ETV2: variants seen among roughly 807,000 people sequenced by gnomAD.
The protein encoded by ETV2 is ETS translocation variant 2.
Under a neutral mutation model 35.7 loss-of-function variants are expected in ETV2, and 34 were observed. The ratio of observed to expected loss-of-function variants is 0.95; its 90% CI spans 0.72 to 1.27. ETV2 has a LOEUF of 1.27. Among genes scored for constraint, ETV2 ranks in the 50% most tolerant of loss-of-function variants. ETV2 has a pLI of 0.00. For missense variants in ETV2, 512 were observed against 470.5 expected (o/e 1.09, Z -0.82); for synonymous variants, 207 against 203.9 (o/e 1.02, Z -0.13).
chr19:35,644,615 C>A lies in ETV2; in HGVS notation c.829-37C>A. ...CCCTCCCCACTATCGCCAAGCCCCG[C>A]CCCTTCCCACTCCGACCGAGCGGGC... On this transcript the variant is annotated intron_variant, in intron 6 of 6. Transcript: ENST00000402764. This position sits in a 1 kb window ranked among gnomAD's most constrained non-coding sequence, Gnocchi z 4.7. 1 of 1,579,210 alleles carries A rather than the reference C, an allele frequency of 6.3e-7. No homozygotes were observed. The highest frequency in any genetic ancestry group is 8.6e-7 in the Non-Finnish European group (1 of 1,161,420).
Position 35,644,044 on chromosome 19 carries a change from T to C in ETV2, c.716-191T>C, listed in dbSNP as rs993942493. 1.3e-5 allele frequency among the ~76,000 whole-genome samples: 2 copies of C among 151,956 alleles called. No homozygotes were observed. The highest frequency in any genetic ancestry group is 2.9e-5 in the Non-Finnish European group (2 of 67,972). On this transcript the variant is annotated intron_variant, in intron 5 of 6. Coordinates refer to ENST00000402764, the MANE Select transcript of ETV2 (RefSeq NM_014209.4). The surrounding 1 kb of genome is among the most constrained non-coding windows in gnomAD (Gnocchi z 4.7). ...GGTCTCCGAGATGGGGAGGCCAAAC[T>C]CCTAAATCTCTGAGACTGGGGCCCT...
Position 35,642,869 on chromosome 19 carries a change from C to A in ETV2, c.155-96C>A. 2.0e-6 allele frequency: 2 copies of A among 990,348 alleles called. No individual in the cohort carries two copies. Among genetic ancestry groups the A allele is most frequent in the Non-Finnish European group, 1.6e-6 (1 of 640,084 alleles). 61.3% of individuals were successfully genotyped at this position (990,348 alleles called of 1,614,324 possible). On this transcript the variant is annotated intron_variant, in intron 3 of 6. Coordinates refer to ENST00000402764, the MANE Select transcript of ETV2 (RefSeq NM_014209.4). This position sits in a 1 kb window ranked among gnomAD's most constrained non-coding sequence, Gnocchi z 4.4. ...GGGGCGCGGGGTGCTGAAATACGGG[C>A]TGGGGGGCCATAACTCCCAGTCCCT...
Position 35,644,785 on chromosome 19 carries a change from G to T in ETV2, c.962G>T (p.Gly321Val). ...SGGRKYTYRF[G>V]GRVPSLAYPD... ...GGGCGAAAGTACACGTACCGCTTCG[G>T]GGGCCGCGTGCCCAGCCTAGCCTAT... Residue 321 changes from glycine to valine, a missense_variant, in exon 7 of 7, where the codon GGG becomes GTG. Coordinates refer to ENST00000402764, the MANE Select transcript of ETV2 (RefSeq NM_014209.4). The surrounding 1 kb of genome is among the most constrained non-coding windows in gnomAD (Gnocchi z 4.7). The T allele has an allele frequency of 1.2e-6, 2 of 1,612,086 alleles. No individual in the cohort carries two copies. The highest frequency in any genetic ancestry group is 2.2e-5 in the South Asian group (2 of 90,806).
chr19:35,643,735 C>T lies in ETV2; in HGVS notation c.697C>T (p.Pro233Ser), dbSNP rs1392132030. The T allele has an allele frequency of 3.7e-6, 6 of 1,613,626 alleles. No individual in the cohort carries two copies. The highest frequency in any genetic ancestry group is 1.7e-6 in the Non-Finnish European group (2 of 1,179,816). Residue 233 changes from proline to serine, a missense_variant, in exon 5 of 7, where the codon CCC becomes TCC. Coordinates refer to ENST00000402764, the MANE Select transcript of ETV2 (RefSeq NM_014209.4). The surrounding 1 kb of genome is among the most constrained non-coding windows in gnomAD (Gnocchi z 5.0). ...GGACCGTGCCAGTTTGGCTCGATGC[C>T]CCAAAACTAACCACCGAGGTGAGAG... The part of the protein sequence containing the change: ...QSDRASLARC[P>S]KTNHRGPIQL...
chr19:35,644,453 C>A lies in ETV2; in HGVS notation c.828+106C>A, dbSNP rs978719425. ...CGCGTAGCCCTCGGCCCCGCCGCTCCCCGGCCCACTCGAGGCCCCGCCCAA... is the reference window on the plus strand; with the variant it reads ...CGCGTAGCCCTCGGCCCCGCCGCTCACCGGCCCACTCGAGGCCCCGCCCAA... On this transcript the variant is annotated intron_variant, in intron 6 of 6. Transcript: ENST00000402764. The surrounding 1 kb of genome is among the most constrained non-coding windows in gnomAD (Gnocchi z 4.7). 85 of 954,390 alleles carry A rather than the reference C, an allele frequency of 8.9e-5. No individual in the cohort carries two copies. Among genetic ancestry groups the A allele is most frequent in the Non-Finnish European group, 9.4e-5 (59 of 630,744 alleles). 59.1% of individuals were successfully genotyped at this position (954,390 alleles called of 1,614,324 possible). A position where few individuals can be genotyped will look rare whatever the true frequency, so the allele number is the denominator to read the frequency against.
At position 35,642,238 on chromosome 19, in the gene ETV2, G is replaced by A. The variant is rs188932640; in HGVS notation, c.-28+82G>A. The stretch of plus-strand genomic sequence containing the variant: ...GGACTAGACTCCCAAGAAGCCGGGG[G>A]CCTGGACTCCTGGGTCTAACAGAGG... On this transcript the variant is annotated intron_variant, in intron 1 of 6. Transcript: ENST00000402764. This position sits in a 1 kb window ranked among gnomAD's most constrained non-coding sequence, Gnocchi z 4.4. 2.2e-4 allele frequency: 102 copies of A among 472,732 alleles called. 1 individual carries two copies. The highest frequency in any genetic ancestry group is 1.9e-3 in the African/African-American group (95 of 49,490). 29.3% of individuals were successfully genotyped at this position (472,732 alleles called of 1,614,324 possible).
rs149099214 is a variant in ETV2, at chr19:35,644,790, C to T, written c.967C>T (p.Arg323Cys). ...GRKYTYRFGGRVPSLAYPDCA... is the reference protein window; with the variant it reads ...GRKYTYRFGGCVPSLAYPDCA... ...AAAGTACACGTACCGCTTCGGGGGC[C>T]GCGTGCCCAGCCTAGCCTATCCGGA... The change falls in exon 7 of 7, where the codon CGC (arginine) becomes TGC (cysteine). Residue 323 changes from arginine (R) to cysteine (C), a missense_variant. Physicochemically the swap from Arg to Cys is radical, Grantham distance 180. Coordinates refer to ENST00000402764, the MANE Select transcript of ETV2 (RefSeq NM_014209.4). This position sits in a 1 kb window ranked among gnomAD's most constrained non-coding sequence, Gnocchi z 4.7. The T allele has an allele frequency of 1.7e-4, 275 of 1,611,728 alleles. No individual in the cohort carries two copies. In the African/African-American group the frequency reaches 2.9e-3, roughly 17 times the overall value.
Position 35,642,555 on chromosome 19 carries a change from G to A in ETV2, c.70+25G>A, listed in dbSNP as rs1239963355. On this transcript the variant is annotated intron_variant, in intron 2 of 6. Transcript: ENST00000402764. The surrounding 1 kb of genome is among the most constrained non-coding windows in gnomAD (Gnocchi z 4.4). The stretch of plus-strand genomic sequence containing the variant: ...GGTAGGCTGCCGAGGCTGCCACAAC[G>A]TGTGTGGGGAGGGTGTCCAGGTGGG... 3 of 1,613,798 alleles carry A rather than the reference G, an allele frequency of 1.9e-6. No individual in the cohort carries two copies. The highest frequency in any genetic ancestry group is 2.5e-6 in the Non-Finnish European group (3 of 1,179,798).
rs1967638573 is a variant in ETV2 at position 35,642,808 on chromosome 19, G to A, written c.154+110G>A. ...TAGGTTCCTGGGACTGGGTGGGGAG[G>A]GGCCGCGTGCTTGACCCCTGAGGGT... On this transcript the variant is annotated intron_variant, in intron 3 of 6. Transcript: ENST00000402764. This position sits in a 1 kb window ranked among gnomAD's most constrained non-coding sequence, Gnocchi z 4.4. 1 of 1,032,326 alleles carries A rather than the reference G, an allele frequency of 9.7e-7. No homozygotes were observed. The highest frequency in any genetic ancestry group is 1.5e-6 in the Non-Finnish European group (1 of 682,226). The allele number at this position is 1,032,326 out of a possible 1,614,324, so 63.9% of individuals were successfully genotyped here. A position where few individuals can be genotyped will look rare whatever the true frequency, so the allele number is the denominator to read the frequency against.
rs1019209869 is a variant in ETV2, at chr19:35,644,020, G to A, written c.716-215G>A. ...AAGCGATAAAGGCCCAGATTCCTGG[G>A]TCTCCGAGATGGGGAGGCCAAACTC... On this transcript the variant is annotated intron_variant, in intron 5 of 6. Transcript: ENST00000402764. This position sits in a 1 kb window ranked among gnomAD's most constrained non-coding sequence, Gnocchi z 4.7. Among the ~76,000 whole-genome samples, 9 of 152,178 alleles carry A rather than the reference G, an allele frequency of 5.9e-5. No homozygotes were observed. The highest frequency in any genetic ancestry group is 2.2e-4 in the African/African-American group (9 of 41,440).
chr19:35,644,574 C>T lies in ETV2; in HGVS notation c.829-78C>T. 3.5e-6 allele frequency: 5 copies of T among 1,413,016 alleles called. No individual in the cohort carries two copies. The highest frequency in any genetic ancestry group is 1.4e-5 in the South Asian group (1 of 72,564). 87.5% of individuals were successfully genotyped at this position (1,413,016 alleles called of 1,614,324 possible). A position where few individuals can be genotyped will look rare whatever the true frequency, so the allele number is the denominator to read the frequency against. ...GCCTCGCCCAGGTCTGCACTGCACA[C>T]CGCCCCCAGGCCCGGCCCTCCCCAC... On this transcript the variant is annotated intron_variant, in intron 6 of 6. Coordinates refer to ENST00000402764, the MANE Select transcript of ETV2 (RefSeq NM_014209.4). This position sits in a 1 kb window ranked among gnomAD's most constrained non-coding sequence, Gnocchi z 4.7.
In ETV2 at chr19:35,644,749, G is replaced by A. The variant is rs780442628; in HGVS notation, c.926G>A (p.Arg309His). ...LRYYYRRDIVRKSGGRKYTYR... is the reference protein window; with the variant it reads ...LRYYYRRDIVHKSGGRKYTYR... The stretch of plus-strand genomic sequence containing the variant: ...TACTACTATCGCCGCGACATCGTGC[G>A]CAAGAGCGGGGGGCGAAAGTACACG... Residue 309 changes from arginine (R) to histidine (H), a missense_variant, in exon 7 of 7, where the codon CGC becomes CAC. Arg to His is a conservative substitution (Grantham distance 29). Transcript: ENST00000402764. This position sits in a 1 kb window ranked among gnomAD's most constrained non-coding sequence, Gnocchi z 4.7. The A allele has an allele frequency of 6.2e-7, 1 of 1,609,748 alleles. No individual in the cohort carries two copies. Among genetic ancestry groups the A allele is most frequent in the Non-Finnish European group, 8.5e-7 (1 of 1,177,524 alleles).
In ETV2 at chr19:35,642,810, G is replaced by T. The variant is rs1337431194; in HGVS notation, c.154+112G>T. 1.9e-6 allele frequency: 2 copies of T among 1,027,914 alleles called. No individual in the cohort carries two copies. Among genetic ancestry groups the T allele is most frequent in the African/African-American group, 3.2e-5 (2 of 62,218 alleles). The allele number at this position is 1,027,914 out of a possible 1,614,324, so 63.7% of individuals were successfully genotyped here. ...GGTTCCTGGGACTGGGTGGGGAGGG[G>T]CCGCGTGCTTGACCCCTGAGGGTGA... On this transcript the variant is annotated intron_variant, in intron 3 of 6. Coordinates refer to ENST00000402764, the MANE Select transcript of ETV2 (RefSeq NM_014209.4). The surrounding 1 kb of genome is among the most constrained non-coding windows in gnomAD (Gnocchi z 4.4).
At position 35,644,218 on chromosome 19, in the gene ETV2, C is replaced by T; in HGVS notation, c.716-17C>T. The T allele has an allele frequency of 6.7e-7, 1 of 1,503,462 alleles. No individual in the cohort carries two copies. The highest frequency in any genetic ancestry group is 9.1e-7 in the Non-Finnish European group (1 of 1,102,068). The allele number at this position is 1,503,462 out of a possible 1,614,324, so 93.1% of individuals were successfully genotyped here. On this transcript the variant is annotated splice_polypyrimidine_tract_variant and intron_variant, in intron 5 of 6. Coordinates refer to ENST00000402764, the MANE Select transcript of ETV2 (RefSeq NM_014209.4). This position sits in a 1 kb window ranked among gnomAD's most constrained non-coding sequence, Gnocchi z 4.7. ...AGGGCCGGGAAGACTGAGTGTGCCC[C>T]TCCCTTCATCCCGCAGGTCCCATTC...
Position 35,642,264 on chromosome 19 carries a change from AAG to A in ETV2, c.-28+113_-28+114del. On this transcript the variant is annotated intron_variant, in intron 1 of 6. Transcript: ENST00000402764. This position sits in a 1 kb window ranked among gnomAD's most constrained non-coding sequence, Gnocchi z 4.4. ...CCTGGACTCCTGGGTCTAACAGAGG[AAG>A]AGAGCTGGGGTCCCTCACTCCCAGG... The A allele has an allele frequency of 1.9e-6, 1 of 532,196 alleles. No individual in the cohort carries two copies. Among genetic ancestry groups the A allele is most frequent in the East Asian group, 3.3e-5 (1 of 30,330 alleles). The allele number at this position is 532,196 out of a possible 1,614,324, so 33.0% of individuals were successfully genotyped here.
At position 35,642,175 on chromosome 19, in the gene ETV2, A is replaced by G. The variant is rs962979932; in HGVS notation, c.-28+19A>G. 3.3e-6 allele frequency: 1 copy of G among 298,762 alleles called. No individual in the cohort carries two copies. Among genetic ancestry groups the G allele is most frequent in the Non-Finnish European group, 6.2e-6 (1 of 160,634 alleles). 18.5% of individuals were successfully genotyped at this position (298,762 alleles called of 1,614,324 possible). A position where few individuals can be genotyped will look rare whatever the true frequency, so the allele number is the denominator to read the frequency against. On this transcript the variant is annotated intron_variant, in intron 1 of 6. Coordinates refer to ENST00000402764, the MANE Select transcript of ETV2 (RefSeq NM_014209.4). This position sits in a 1 kb window ranked among gnomAD's most constrained non-coding sequence, Gnocchi z 4.4. Reference sequence around the variant, plus strand: ...GCCAGAGGTGAGCGATGAACTGAGGACTAGATGCCTGGGTGTCTGGGTTAG... The same window carrying G: ...GCCAGAGGTGAGCGATGAACTGAGGGCTAGATGCCTGGGTGTCTGGGTTAG...
Position 35,643,370 on chromosome 19 carries a change from C to A in ETV2, c.332C>A (p.Pro111His). The A allele has an allele frequency of 6.4e-7, 1 of 1,568,996 alleles. No individual in the cohort carries two copies. The highest frequency in any genetic ancestry group is 8.6e-7 in the Non-Finnish European group (1 of 1,159,136). ...AGCGGCGCCTCGCAGACCCTGGGCC[C>A]CGCCCCTCTCGGCCCGGGCCCCATC... ...SWSGASQTLG[P>H]APLGPGPIPA... Residue 111 changes from proline to histidine, a missense_variant, in exon 5 of 7, where the codon CCC becomes CAC. Pro to His is a moderately conservative substitution (Grantham distance 77, BLOSUM62 -2). Coordinates refer to ENST00000402764, the MANE Select transcript of ETV2 (RefSeq NM_014209.4). This position sits in a 1 kb window ranked among gnomAD's most constrained non-coding sequence, Gnocchi z 5.0.
At position 35,643,169 on chromosome 19, in the gene ETV2, A is replaced by G; in HGVS notation, c.236-105A>G. ...GCGCCCTCAAGGTGGCATGACCTGG[A>G]TCCGGGTCAGCCGGGCCCCAAGTGC... On this transcript the variant is annotated intron_variant, in intron 4 of 6. Transcript: ENST00000402764. This position sits in a 1 kb window ranked among gnomAD's most constrained non-coding sequence, Gnocchi z 5.0. The G allele has an allele frequency of 6.7e-7, 1 of 1,482,526 alleles. No homozygotes were observed. 91.8% of individuals were successfully genotyped at this position (1,482,526 alleles called of 1,614,324 possible).
rs1967714231 is a variant in ETV2, at chr19:35,644,569, G to T, written c.829-83G>T. 1 of 1,384,196 alleles carries T rather than the reference G, an allele frequency of 7.2e-7. No individual in the cohort carries two copies. The highest frequency in any genetic ancestry group is 9.8e-7 in the Non-Finnish European group (1 of 1,021,414). 85.7% of individuals were successfully genotyped at this position (1,384,196 alleles called of 1,614,324 possible). ...GCGAGGCCTCGCCCAGGTCTGCACTGCACACCGCCCCCAGGCCCGGCCCTC... is the reference window on the plus strand; with the variant it reads ...GCGAGGCCTCGCCCAGGTCTGCACTTCACACCGCCCCCAGGCCCGGCCCTC... On this transcript the variant is annotated intron_variant, in intron 6 of 6. Transcript: ENST00000402764. This position sits in a 1 kb window ranked among gnomAD's most constrained non-coding sequence, Gnocchi z 4.7.
Sources: allele counts gnomAD v4.1 joint callset (sites outside exome capture counted in the v4.1 genomes callset), GRCh38; gene constraint gnomAD v4.1.1; non-coding constraint Gnocchi (gnomAD v3.1); transcripts MANE v1.5; gene names NCBI Gene and HGNC (gene_info 2026-07-23, HGNC 2026-07-21).